The following KCNMA1 variants were observed in gnomAD, a reference collection of about 807,000 sequenced individuals.
KCNMA1 encodes potassium calcium-activated channel subfamily M alpha 1.
KCNMA1 carries 29 observed loss-of-function variants against 140.0 expected under a neutral mutation model. The ratio of observed to expected loss-of-function variants is 0.21; its 90% CI spans 0.15 to 0.28. KCNMA1 has a LOEUF of 0.28. Among genes scored for constraint, KCNMA1 ranks in the 10% least tolerant of loss-of-function variants. The pLI is 1.00. For missense variants in KCNMA1, 880 were observed against 1,602.2 expected, an observed-to-expected ratio of 0.55 and a Z score of 7.70; for synonymous variants, 612 against 611.9, an observed-to-expected ratio of 1.00 and a Z score of 0.00.
intron 2 of KCNMA1, among the ~76,000 whole-genome samples, chr10:77,343,920 A>G (rs149939391): frequency 2.6e-5 from 4 of 152,224 alleles, no homozygotes; most frequent in African/African-American, 7.2e-5. Flanking sequence ...TTAGAGACCT[A>G]TGAAGACAAA....
At chr10:76,995,778 T>C (rs2084106985) in intron 19 of KCNMA1, 1 of 439,258 alleles carries the variant, frequency 2.3e-6, no homozygotes, top group Admixed American at 2.5e-5. Flanking sequence ...TGGGCTTACA[T>C]GAGGCATGCC....
At chr10:77,514,852 C>T (rs574996527) in intron 1 of KCNMA1, among the ~76,000 whole-genome samples, 2 of 152,174 alleles carry the variant, frequency 1.3e-5, no homozygotes, top group Non-Finnish European at 2.9e-5. Context: ...TCTTCACTCA[C>T]GTCTAGACAC....
chr10:77,331,740 G>A (rs368768323), intron 2 of KCNMA1, among the ~76,000 whole-genome samples: 5 of 151,906 alleles, frequency 3.3e-5, no homozygotes, highest in South Asian at 2.1e-4. Context: ...CCTTGAGTCC[G>A]GGAGGTCGAG....
intron 2 of KCNMA1, among the ~76,000 whole-genome samples, chr10:77,402,425 A>G (rs1051694164): frequency 1.3e-5 from 2 of 152,120 alleles, no homozygotes; most frequent in Non-Finnish European, 2.9e-5. Flanking sequence ...CCAAAACTCC[A>G]ACTTTAAATG....
intron 19 of KCNMA1, chr10:76,977,846 C>T (rs1357500105): frequency 3.7e-6 from 2 of 543,090 alleles, no homozygotes; most frequent in East Asian, 5.9e-5. Flanking sequence ...TTAGATTCAT[C>T]CACCCAGTAC....
chr10:76,941,100 A>AAAGAAGGG (rs1554961235), intron 23 of KCNMA1, among the ~76,000 whole-genome samples: 3 of 94,120 alleles, frequency 3.2e-5, no homozygotes, highest in African/African-American at 1.3e-4. Flanking sequence ...AGAAAGAAAG[A>AAAGAAGGG]AGGGAGGGAG....
chr10:77,340,831 T>G (rs2090684524), intron 2 of KCNMA1, among the ~76,000 whole-genome samples: 1 of 150,298 alleles, frequency 6.7e-6, no homozygotes, highest in South Asian at 2.1e-4. Context: ...CTGCATGTTG[T>G]GCACATGTAC....
At chr10:77,571,152 A>G (rs1014057226) in intron 1 of KCNMA1, among the ~76,000 whole-genome samples, 2 of 152,214 alleles carry the variant, frequency 1.3e-5, no homozygotes, top group Non-Finnish European at 2.9e-5. Flanking sequence ...CATTTAAAAT[A>G]CATTACCTAT....
chr10:77,341,690 G>A (rs1000566097), intron 2 of KCNMA1, among the ~76,000 whole-genome samples: 1 of 152,178 alleles, frequency 6.6e-6, no homozygotes. Context: ...GCTGGTGAAG[G>A]GGGTAGTGAG....
At chr10:77,176,461 A>T (rs1446051659) in intron 5 of KCNMA1, among the ~76,000 whole-genome samples, 2 of 151,688 alleles carry the variant, frequency 1.3e-5, no homozygotes, top group Non-Finnish European at 2.9e-5. Flanking sequence ...CCATGAAAAG[A>T]AAAAAAAATG....
At chr10:77,634,598 G>A in intron 1 of KCNMA1, 3 of 985,192 alleles carry the variant, frequency 3.0e-6, no homozygotes, top group Non-Finnish European at 3.6e-6. Flanking sequence ...CCATCTTGGG[G>A]CTGAAGGAGG....
intron 19 of KCNMA1, among the ~76,000 whole-genome samples, chr10:76,984,365 T>C (rs1221689013): frequency 6.6e-6 from 1 of 152,034 alleles, no homozygotes; most frequent in African/African-American, 2.4e-5. Flanking sequence ...AATGTTTGTA[T>C]TTTTAGTAGA....
In KCNMA1 at chr10:77,478,046, T is replaced by C. The variant is rs1028962388; in HGVS notation, c.379-74023A>G. Among the ~76,000 whole-genome samples the C allele has an allele frequency of 2.0e-5, 3 of 152,344 alleles. No individual in the cohort carries two copies. The East Asian group carries it at 5.8e-4, about 29-fold the overall frequency. ...CTCTGCCGTTAATTCTATGCCATTT[T>C]GTTGAAGTCTATTCCACTTCCTTCC... On this transcript the variant is annotated intron_variant, in intron 1 of 27. Coordinates refer to ENST00000286628, the MANE Select transcript of KCNMA1 (RefSeq NM_001161352.2).
At chr10:77,534,472 T>A (rs1382281597) in intron 1 of KCNMA1, among the ~76,000 whole-genome samples, 2 of 152,168 alleles carry the variant, frequency 1.3e-5, no homozygotes, top group Non-Finnish European at 2.9e-5. Context: ...AGGAAGAAAC[T>A]AGATACGAGG....
At chr10:77,494,935 T>C (rs1384108320) in intron 1 of KCNMA1, among the ~76,000 whole-genome samples, 1 of 152,210 alleles carries the variant, frequency 6.6e-6, no homozygotes, top group Non-Finnish European at 1.5e-5. Context: ...GCATTCTCCC[T>C]GTGTGCATGT....
At chr10:77,606,430 A>G (rs931365289) in intron 1 of KCNMA1, among the ~76,000 whole-genome samples, 1 of 152,126 alleles carries the variant, frequency 6.6e-6, no homozygotes, top group African/African-American at 2.4e-5. Context: ...CTGGGAGTTC[A>G]AGACCCCATC....
chr10:77,027,050 A>G (rs938101553), intron 16 of KCNMA1, among the ~76,000 whole-genome samples: 7 of 152,116 alleles, frequency 4.6e-5, no homozygotes, highest in African/African-American at 1.7e-4. Flanking sequence ...TTTCTCAATG[A>G]GCTCTCTTTC....
chr10:77,164,151 C>A (rs766340465), intron 5 of KCNMA1, among the ~76,000 whole-genome samples: 11 of 152,184 alleles, frequency 7.2e-5, no homozygotes, highest in Non-Finnish European at 1.5e-4. Flanking sequence ...ATAAGGCAGA[C>A]TCCCTCTGAC....
intron 1 of KCNMA1, among the ~76,000 whole-genome samples, chr10:77,486,259 C>G (rs1326100557): frequency 6.6e-6 from 1 of 152,138 alleles, no homozygotes; most frequent in African/African-American, 2.4e-5. Flanking sequence ...CTCATCTCCT[C>G]CCTCCCCTTC....
Sources: gnomAD v4.1 joint callset for allele counts (sites outside exome capture counted in the v4.1 genomes callset) on GRCh38, gnomAD v4.1.1 for gene constraint, MANE v1.5 for transcripts, NCBI Gene and HGNC (gene_info 2026-07-23, HGNC 2026-07-21) for gene names.